TRIM38: variants seen among roughly 807,000 people sequenced by gnomAD.
TRIM38 encodes the protein tripartite motif containing 38.
In TRIM38, 35 loss-of-function variants were observed where a neutral mutation model predicts 35.8. The observed-to-expected ratio is 0.98, with a 90% CI of 0.75 to 1.30. The LOEUF (loss-of-function observed/expected upper bound fraction) is 1.30. Ranked by LOEUF, TRIM38 falls within the 50% of genes most tolerant of loss-of-function variation. The pLI, the probability that TRIM38 is intolerant of heterozygous loss-of-function variation, is 0.00. For missense variants in TRIM38, 545 were observed against 556.9 expected (o/e 0.98, Z 0.21); for synonymous variants, 198 against 204.7 (o/e 0.97, Z 0.28).
chr6:25,983,316 A>G lies in TRIM38; in HGVS notation c.1027A>G (p.Thr343Ala). ...FPCVLGCEGF[T>A]SGRRYFEVDV... The stretch of plus-strand genomic sequence containing the variant: ...CTGTGTCTTGGGTTGTGAAGGCTTC[A>G]CCTCAGGAAGACGTTACTTTGAAGT... Residue 343 changes from threonine to alanine, a missense_variant, in exon 8 of 8, where the codon ACC (threonine) becomes GCC (alanine). Thr to Ala is a moderately conservative substitution (Grantham distance 58). Transcript: ENST00000357085. The G allele has an allele frequency of 6.2e-7, 1 of 1,614,118 alleles. No individual in the cohort carries two copies. The highest frequency in any genetic ancestry group is 2.2e-5 in the East Asian group (1 of 44,866).
chr6:25,973,092 A>T lies in TRIM38; in HGVS notation c.761+16A>T. 1 of 1,614,172 alleles carries T rather than the reference A, an allele frequency of 6.2e-7. No individual in the cohort carries two copies. The highest frequency in any genetic ancestry group is 1.6e-4 in the Middle Eastern group (1 of 6,062). On this transcript the variant is annotated intron_variant, in intron 6 of 7. Transcript: ENST00000357085. ...CTTTGAGCAGGTAAGTCCTGTTTGA[A>T]TGCAGGAGGGGAGGGGTGTGCGTAT...
At position 25,988,496 on chromosome 6, in the gene TRIM38, C is replaced by CTTTTTTTTTTCTT. The variant is rs1554143884; in HGVS notation, c.*4819_*4820insCTTTTTTTTTTTT. Reference sequence around the variant, plus strand: ...TTTCTTTTTCTTTTTTCTTTTCTTTCTTTTTTTTTTTTTTTTTGAGACAGA... The same window carrying CTTTTTTTTTTCTT: ...TTTCTTTTTCTTTTTTCTTTTCTTTCTTTTTTTTTTCTTTTTTTTTTTTTTTTTTTGAGACAGA... On this transcript the variant is annotated 3_prime_UTR_variant, in exon 8 of 8. Transcript: ENST00000357085. The CTTTTTTTTTTCTT allele has an allele frequency of 9.5e-5, 6 of 63,030 alleles. No homozygotes were observed. Among genetic ancestry groups the CTTTTTTTTTTCTT allele is most frequent in the Admixed American group, 2.7e-4 (1 of 3,714 alleles). 3.9% of individuals were successfully genotyped at this position (63,030 alleles called of 1,614,324 possible).
At position 25,989,510 on chromosome 6, in the gene TRIM38, C is replaced by CTTTTT. The variant is rs59539108; in HGVS notation, c.*5843_*5847dup. On this transcript the variant is annotated 3_prime_UTR_variant, in exon 8 of 8. Transcript: ENST00000357085. ...GCTATTGTTAGCAAGGTCTTGTATT[C>CTTTTT]TTTTTTTTTTTTTTTTTTTTTTTTA... 11 of 93,720 alleles carry CTTTTT rather than the reference C, an allele frequency of 1.2e-4. No homozygotes were observed. Among genetic ancestry groups the CTTTTT allele is most frequent in the Non-Finnish European group, 1.5e-4 (7 of 45,636 alleles). The allele number at this position is 93,720 out of a possible 1,614,324, so 5.8% of individuals were successfully genotyped here. A position where few individuals can be genotyped will look rare whatever the true frequency, so the allele number is the denominator to read the frequency against.
At chr6:25,967,541 TTTTTTTTTTC>T (rs1760096244) in intron 3 of TRIM38, among the ~76,000 whole-genome samples, 1 of 72,906 alleles carries the variant, frequency 1.4e-5, no homozygotes, top group African/African-American at 6.6e-5. Flanking sequence ...TTTTTTTTTT[TTTTTTTTTTC>T]CTGAGGTAGG....
intron 4 of TRIM38, among the ~76,000 whole-genome samples, chr6:25,971,540 C>T (rs187284834): frequency 2.1e-4 from 32 of 152,182 alleles, no homozygotes; most frequent in Non-Finnish European, 3.8e-4. Flanking sequence ...CATCACCATT[C>T]CCATCTCCAA....
chr6:25,967,919 C>T (rs960267936), intron 3 of TRIM38, among the ~76,000 whole-genome samples: 5 of 151,974 alleles, frequency 3.3e-5, no homozygotes, highest in Admixed American at 6.6e-5. Context: ...ATTTTAAGCA[C>T]GATTCAGGAA....
Position 25,973,037 on chromosome 6 carries a change from T to C in TRIM38, c.739-17T>C. 1.2e-6 allele frequency: 2 copies of C among 1,614,142 alleles called. No homozygotes were observed. Among genetic ancestry groups the C allele is most frequent in the South Asian group, 2.2e-5 (2 of 91,080 alleles). ...CCGATGTTCCCATGCTCACCTTTTC[T>C]TTTTGTTTCTTTATAGAATGTGAAT... On this transcript the variant is annotated splice_polypyrimidine_tract_variant and intron_variant, in intron 5 of 7. Coordinates refer to ENST00000357085, the MANE Select transcript of TRIM38 (RefSeq NM_006355.5).
chr6:25,983,447 G>C lies in TRIM38; in HGVS notation c.1158G>C (p.Arg386Ser), dbSNP rs990034571. The change falls in exon 8 of 8, where the codon AGG becomes AGC. Residue 386 changes from arginine (R) to serine (S), a missense_variant. By Grantham distance (110) the Arg-to-Ser change is moderately radical. Coordinates refer to ENST00000357085, the MANE Select transcript of TRIM38 (RefSeq NM_006355.5). Reference sequence around the variant, plus strand: ...CTCAGTCTGGATTCTGGACCCTCAGGCTGTGCAAAAAGAAAGGCTATGTAG... The same window carrying C: ...CTCAGTCTGGATTCTGGACCCTCAGCCTGTGCAAAAAGAAAGGCTATGTAG... ...QEPQSGFWTL[R>S]LCKKKGYVAL... The C allele has an allele frequency of 2.5e-6, 4 of 1,614,134 alleles. No homozygotes were observed. The South Asian group carries it at 3.3e-5, about 13-fold the overall frequency.
At chr6:25,975,064 G>T in intron 7 of TRIM38, 1 of 921,418 alleles carries the variant, frequency 1.1e-6, no homozygotes, top group African/African-American at 1.8e-5. Context: ...ACAGAGTCTC[G>T]CTCTGTCGCC....
At chr6:25,973,018 T>C in intron 5 of TRIM38, 36 bp from the exon 6 acceptor site, 1 of 1,614,028 alleles carries the variant, frequency 6.2e-7, no homozygotes, top group Non-Finnish European at 8.5e-7. Context: ...AATACCGATG[T>C]TCCCATGCTC....
At chr6:25,968,388 A>T (rs188154749) in intron 3 of TRIM38, among the ~76,000 whole-genome samples, 1 of 152,172 alleles carries the variant, frequency 6.6e-6, no homozygotes, top group East Asian at 1.9e-4. Context: ...CACGTTACTT[A>T]ATGTCTTCAC....
intron 7 of TRIM38, among the ~76,000 whole-genome samples, chr6:25,980,667 T>A (rs113526854): frequency 0.022 from 3,394 of 152,308 alleles, 114 homozygotes; most frequent in African/African-American, 0.072. Flanking sequence ...GTGATCCGCC[T>A]GCCTTGGCCT....
intron 2 of TRIM38, among the ~76,000 whole-genome samples, chr6:25,965,484 G>C (rs1033446300): frequency 6.6e-5 from 10 of 152,286 alleles, no homozygotes; most frequent in African/African-American, 2.4e-4. Context: ...AGCTGGACAT[G>C]GTGGCACATA....
intron 7 of TRIM38, 84 bp downstream of exon 7, chr6:25,973,369 G>T (rs1035175072): frequency 2.5e-5 from 39 of 1,543,162 alleles, no homozygotes; most frequent in Non-Finnish European, 3.2e-5. Flanking sequence ...CCCTTGGCAG[G>T]CTCACAGCCA....
chr6:25,976,227 C>G (rs565377075), intron 7 of TRIM38, among the ~76,000 whole-genome samples: 1 of 152,132 alleles, frequency 6.6e-6, no homozygotes, highest in Non-Finnish European at 1.5e-5. Flanking sequence ...CTAGAAACCA[C>G]TCTCTCACCA....
chr6:25,971,051 A>T lies in TRIM38; in HGVS notation c.508-818A>T, dbSNP rs78070117. ...GCCAAGAATTATGGACCCTCTTACC[A>T]GCCTGGTTGTCTTAAAATCCAGTCT... is the stretch of plus-strand genomic sequence containing the variant. On this transcript the variant is annotated intron_variant, in intron 4 of 7. Coordinates refer to ENST00000357085, the MANE Select transcript of TRIM38 (RefSeq NM_006355.5). 7.0e-3 allele frequency among the ~76,000 whole-genome samples: 1,063 copies of T among 152,324 alleles called. 11 individuals carry two copies. The highest frequency in any genetic ancestry group is 0.012 in the Non-Finnish European group (840 of 68,034).
Position 25,983,953 on chromosome 6 carries a change from G to A in TRIM38, c.*266G>A. On this transcript the variant is annotated 3_prime_UTR_variant, in exon 8 of 8. Coordinates refer to ENST00000357085, the MANE Select transcript of TRIM38 (RefSeq NM_006355.5). ...TCTCCATCCGTCTTTAATGGGTCAG[G>A]GCTTTGATTTCCAAGGGTCTTCAGG... is the stretch of plus-strand genomic sequence containing the variant. 3.0e-6 allele frequency: 1 copy of A among 333,244 alleles called. No individual in the cohort carries two copies. 20.6% of individuals were successfully genotyped at this position (333,244 alleles called of 1,614,324 possible). A position where few individuals can be genotyped will look rare whatever the true frequency, so the allele number is the denominator to read the frequency against.
intron 3 of TRIM38, among the ~76,000 whole-genome samples, chr6:25,967,427 C>T (rs1760090277): frequency 6.6e-6 from 1 of 151,552 alleles, no homozygotes; most frequent in South Asian, 2.1e-4. Context: ...TTAGAAGTAA[C>T]TCCTGAAGGA....
intron 5 of TRIM38, 31 bp downstream of exon 5, chr6:25,972,130 A>T (rs776836883): frequency 4.4e-6 from 7 of 1,590,924 alleles, no homozygotes; most frequent in African/African-American, 1.3e-5. Flanking sequence ...TAGGGAAAAA[A>T]GGTATGTTAT....
Sources: allele counts gnomAD v4.1 joint callset (sites outside exome capture counted in the v4.1 genomes callset), GRCh38; gene constraint gnomAD v4.1.1; transcripts MANE v1.5; gene names NCBI Gene and HGNC (gene_info 2026-07-23, HGNC 2026-07-21).